Variants in TBC1D22B observed in about 807,000 individuals in gnomAD.
The protein encoded by TBC1D22B is TBC1 domain family member 22B, also known as chromosome 6 open reading frame 197.
Under a neutral mutation model 69.1 loss-of-function variants are expected in TBC1D22B, and 32 were observed. That is an observed-to-expected ratio of 0.46 (90% CI 0.35 to 0.62). The LOEUF (loss-of-function observed/expected upper bound fraction) is 0.62, where lower values mean the gene tolerates loss of function less well. Among genes scored for constraint, TBC1D22B ranks in the 20% least tolerant of loss-of-function variants. The pLI, the probability that TBC1D22B is intolerant of heterozygous loss-of-function variation, is 0.00. For synonymous variants in TBC1D22B, 206 were observed against 229.8 expected, an observed-to-expected ratio of 0.90 and a Z score of 0.94; for missense variants, 462 against 630.9, an observed-to-expected ratio of 0.73 and a Z score of 2.87.
intron 8 of TBC1D22B, among the ~76,000 whole-genome samples, chr6:37,309,623 G>A (rs1475237840): frequency 6.6e-6 from 1 of 152,144 alleles, no homozygotes; most frequent in African/African-American, 2.4e-5. Context: ...TCATGAATAG[G>A]GAAAGGGCTC....
intron 7 of TBC1D22B, among the ~76,000 whole-genome samples, chr6:37,287,931 A>G (rs963521910): frequency 6.6e-6 from 1 of 152,188 alleles, no homozygotes; most frequent in Non-Finnish European, 1.5e-5. Flanking sequence ...CTAACAAGTT[A>G]ATGAAGTACA....
intron 8 of TBC1D22B, among the ~76,000 whole-genome samples, chr6:37,311,366 A>G (rs1026353722): frequency 6.6e-6 from 1 of 152,016 alleles, no homozygotes; most frequent in African/African-American, 2.4e-5. Context: ...TCTTAGTAAC[A>G]ATGCTTAGAA....
In TBC1D22B at chr6:37,331,260, C is replaced by A; in HGVS notation, c.*88C>A. ...CACTGTGCGAGCCGTGGACCCCGGC[C>A]AGGAACCACTCCTGTTGTACAAAGC... On this transcript the variant is annotated 3_prime_UTR_variant, in exon 13 of 13. Coordinates refer to ENST00000373491, the MANE Select transcript of TBC1D22B (RefSeq NM_017772.4). The A allele has an allele frequency of 7.3e-7, 1 of 1,378,172 alleles. No homozygotes were observed. Among genetic ancestry groups the A allele is most frequent in the Non-Finnish European group, 1.0e-6 (1 of 980,234 alleles). 85.4% of individuals were successfully genotyped at this position (1,378,172 alleles called of 1,614,324 possible). A position where few individuals can be genotyped will look rare whatever the true frequency, so the allele number is the denominator to read the frequency against.
chr6:37,296,373 AG>A (rs1767370814), intron 8 of TBC1D22B, among the ~76,000 whole-genome samples: 1 of 152,194 alleles, frequency 6.6e-6, no homozygotes, highest in South Asian at 2.1e-4. Flanking sequence ...TGATCGAGAC[AG>A]GGTCTCACTC....
intron 2 of TBC1D22B, among the ~76,000 whole-genome samples, chr6:37,275,971 T>C (rs1472389193): frequency 1.3e-5 from 2 of 150,818 alleles, no homozygotes; most frequent in South Asian, 2.1e-4. Flanking sequence ...TTTTTCTTTT[T>C]TTTTTTTTTT....
chr6:37,294,598 C>T (rs1767299128), intron 8 of TBC1D22B, among the ~76,000 whole-genome samples: 2 of 152,190 alleles, frequency 1.3e-5, no homozygotes, highest in Non-Finnish European at 2.9e-5. Context: ...TGCTCATTTA[C>T]CATTCCAAAA....
intron 8 of TBC1D22B, among the ~76,000 whole-genome samples, chr6:37,305,594 T>G (rs1198337072): frequency 6.6e-6 from 1 of 151,714 alleles, no homozygotes. Context: ...CTTGGCTCAC[T>G]GCAAGCTCTG....
chr6:37,311,453 C>T (rs1234916757), intron 8 of TBC1D22B, among the ~76,000 whole-genome samples: 1 of 152,016 alleles, frequency 6.6e-6, no homozygotes. Flanking sequence ...GTGAGGATCA[C>T]TTGAGTCCAG....
At chr6:37,265,058 G>T (rs1562038162) in intron 1 of TBC1D22B, among the ~76,000 whole-genome samples, 1 of 152,140 alleles carries the variant, frequency 6.6e-6, no homozygotes, top group African/African-American at 2.4e-5. Context: ...TTTTTAAGCT[G>T]CAATAAGCTG....
intron 8 of TBC1D22B, among the ~76,000 whole-genome samples, chr6:37,307,750 A>T (rs1373814236): frequency 6.6e-6 from 1 of 152,214 alleles, no homozygotes; most frequent in Non-Finnish European, 1.5e-5. Context: ...GCTTTGGAAA[A>T]TAGAAAGGCC....
intron 1 of TBC1D22B, among the ~76,000 whole-genome samples, chr6:37,258,759 G>C (rs756760031): frequency 1.3e-5 from 2 of 152,056 alleles, no homozygotes; most frequent in Non-Finnish European, 2.9e-5. Flanking sequence ...TCAATCTACT[G>C]TTGGTTTACT....
intron 8 of TBC1D22B, among the ~76,000 whole-genome samples, chr6:37,311,515 G>A (rs538754196): frequency 1.3e-5 from 2 of 151,798 alleles, no homozygotes; most frequent in South Asian, 2.1e-4. Context: ...CTACAAAAAC[G>A]ACAAAAAATT....
chr6:37,311,709 A>G (rs1375449985), intron 8 of TBC1D22B, among the ~76,000 whole-genome samples: 1 of 152,166 alleles, frequency 6.6e-6, no homozygotes, highest in Non-Finnish European at 1.5e-5. Flanking sequence ...AAAAGGCTAG[A>G]TTCTGAATAC....
intron 12 of TBC1D22B, among the ~76,000 whole-genome samples, chr6:37,324,050 T>A (rs1581635986): frequency 6.6e-6 from 1 of 152,244 alleles, no homozygotes; most frequent in Non-Finnish European, 1.5e-5. Flanking sequence ...AGGAAATGTT[T>A]TACTACCTCA....
At chr6:37,310,802 T>C (rs1767887379) in intron 8 of TBC1D22B, among the ~76,000 whole-genome samples, 1 of 152,264 alleles carries the variant, frequency 6.6e-6, no homozygotes, top group Admixed American at 6.5e-5. Flanking sequence ...TGTAGTCAAT[T>C]GTGGCTCTTT....
chr6:37,315,679 G>A (rs908862085), intron 10 of TBC1D22B, among the ~76,000 whole-genome samples: 5 of 152,104 alleles, frequency 3.3e-5, no homozygotes, highest in Non-Finnish European at 7.4e-5. Flanking sequence ...TGGCTCAAAG[G>A]ATCTTCCCAC....
Position 37,331,982 on chromosome 6 carries a change from T to C in TBC1D22B, c.*810T>C, listed in dbSNP as rs1768594034. On this transcript the variant is annotated 3_prime_UTR_variant, in exon 13 of 13. Transcript: ENST00000373491. ...TTCCATGATGACCCACTCCAAGATA[T>C]TATGTGTAAATTGTGTTATTATGTA... The C allele has an allele frequency of 6.6e-6, 1 of 152,620 alleles. No individual in the cohort carries two copies. The highest frequency in any genetic ancestry group is 1.5e-5 in the Non-Finnish European group (1 of 68,036). The allele number at this position is 152,620 out of a possible 1,614,324, so 9.5% of individuals were successfully genotyped here.
chr6:37,274,761 TTGG>T (rs1766608558), intron 2 of TBC1D22B, among the ~76,000 whole-genome samples: 1 of 152,108 alleles, frequency 6.6e-6, no homozygotes, highest in South Asian at 2.1e-4. Flanking sequence ...TTAAATAATC[TTGG>T]TTAGGGTGGG....
At chr6:37,287,219 T>C in intron 7 of TBC1D22B, 147 bp downstream of exon 7, 1 of 567,728 alleles carries the variant, frequency 1.8e-6, no homozygotes, top group Non-Finnish European at 3.0e-6. Flanking sequence ...ACATTTTCAT[T>C]TGATCTTTGT....
Sources: gnomAD v4.1 joint callset for allele counts (sites outside exome capture counted in the v4.1 genomes callset) on GRCh38, gnomAD v4.1.1 for gene constraint, MANE v1.5 for transcripts, NCBI Gene and HGNC (gene_info 2026-07-23, HGNC 2026-07-21) for gene names.